The following HGF variants were observed in gnomAD, a reference collection of about 807,000 sequenced individuals.
HGF encodes the protein fibroblast-derived tumor cytotoxic factor.
HGF carries 39 observed loss-of-function variants against 111.6 expected under a neutral mutation model. That is an observed-to-expected ratio of 0.35 (90% CI 0.27 to 0.46). HGF has a LOEUF of 0.46. Ranked by LOEUF, HGF falls within the 20% of genes least tolerant of loss-of-function variation. HGF has a pLI of 1.00. For missense variants in HGF, 735 were observed against 910.5 expected (o/e 0.81, Z 2.48); for synonymous variants, 285 against 294.8 (o/e 0.97, Z 0.34).
Position 81,710,260 on chromosome 7 carries a change from CAT to C in HGF, c.1445-19_1445-18del. ...TTACGGGATCTGAAACAGGACCAAA[CAT>C]AACATTTTTTAAAATAAGAATTTGA... On this transcript the variant is annotated intron_variant, in intron 12 of 17. Coordinates refer to ENST00000222390, the MANE Select transcript of HGF (RefSeq NM_000601.6). The C allele has an allele frequency of 6.4e-7, 1 of 1,555,942 alleles. No homozygotes were observed. The highest frequency in any genetic ancestry group is 8.9e-7 in the Non-Finnish European group (1 of 1,127,114).
At chr7:81,739,389 T>C (rs1451684733) in intron 7 of HGF, among the ~76,000 whole-genome samples, 1 of 152,176 alleles carries the variant, frequency 6.6e-6, no homozygotes, top group Non-Finnish European at 1.5e-5. Context: ...TTTTAAGATG[T>C]CTTGTGACCT....
intron 4 of HGF, among the ~76,000 whole-genome samples, chr7:81,754,173 C>G (rs1788644618): frequency 6.6e-6 from 1 of 151,930 alleles, no homozygotes; most frequent in African/African-American, 2.4e-5. Flanking sequence ...AGTATACAAC[C>G]TTAGTCCTTA....
intron 2 of HGF, among the ~76,000 whole-genome samples, chr7:81,760,454 C>T (rs1452484676): frequency 6.6e-6 from 1 of 152,166 alleles, no homozygotes; most frequent in Non-Finnish European, 1.5e-5. Context: ...TTCCACCTCA[C>T]ACTCATTCAC....
rs902634318 is a variant in HGF at position 81,723,849 on chromosome 7, T to G, written c.1168+2041A>C. Among the ~76,000 whole-genome samples the G allele has an allele frequency of 7.9e-5, 12 of 151,288 alleles. No individual in the cohort carries two copies. The South Asian group carries it at 2.3e-3, about 29-fold the overall frequency. On this transcript the variant is annotated intron_variant, in intron 9 of 17. Coordinates refer to ENST00000222390, the MANE Select transcript of HGF (RefSeq NM_000601.6). Reference sequence around the variant, plus strand: ...AGATATATATACACATATATATATATCTGTGTGTGTAGATTTATATCTATA... The same window carrying G: ...AGATATATATACACATATATATATAGCTGTGTGTGTAGATTTATATCTATA...
intron 1 of HGF, among the ~76,000 whole-genome samples, chr7:81,766,129 G>T (rs73148754): frequency 6.6e-6 from 1 of 152,140 alleles, no homozygotes; most frequent in African/African-American, 2.4e-5. Context: ...AGGGTCAAAT[G>T]TATCAAGGTG....
chr7:81,717,368 G>T lies in HGF; in HGVS notation c.1272-3C>A, dbSNP rs781742028. The T allele has an allele frequency of 6.2e-7, 1 of 1,612,970 alleles. No individual in the cohort carries two copies. The highest frequency in any genetic ancestry group is 8.5e-7 in the Non-Finnish European group (1 of 1,179,072). The stretch of plus-strand genomic sequence containing the variant: ...CATCTGGTTCCCAGAAGATATGACT[G>T]TGGAAACAACAGGCCTTGCACATCA... On this transcript the variant is annotated splice_region_variant and splice_polypyrimidine_tract_variant and intron_variant, in intron 10 of 17. Transcript: ENST00000222390.
intron 3 of HGF, 120 bp downstream of exon 3, chr7:81,758,572 A>G: frequency 2.9e-6 from 2 of 685,304 alleles, no homozygotes; most frequent in South Asian, 1.6e-5. Flanking sequence ...AATTGACTAC[A>G]TAAAATATCT....
intron 1 of HGF, among the ~76,000 whole-genome samples, chr7:81,766,901 C>T (rs1156440312): frequency 1.3e-5 from 2 of 152,210 alleles, no homozygotes; most frequent in Non-Finnish European, 2.9e-5. Context: ...TGAGCATGAC[C>T]TTCAATCCTA....
At chr7:81,714,148 G>T (rs17426564) in intron 11 of HGF, among the ~76,000 whole-genome samples, 3 of 151,890 alleles carry the variant, frequency 2.0e-5, no homozygotes, top group Non-Finnish European at 4.4e-5. Flanking sequence ...TCTCCATGAA[G>T]AAATCGATGT....
chr7:81,725,839 G>A, intron 9 of HGF, 51 bp downstream of exon 9: 1 of 1,596,582 alleles, frequency 6.3e-7, no homozygotes, highest in Non-Finnish European at 8.6e-7. Context: ...CTCCCTTTAG[G>A]CATTTCCCCT....
chr7:81,758,067 T>C (rs1443580112), intron 3 of HGF, among the ~76,000 whole-genome samples: 1 of 152,122 alleles, frequency 6.6e-6, no homozygotes, highest in Non-Finnish European at 1.5e-5. Context: ...TAATAGGACA[T>C]GGTTGTTTAA....
At chr7:81,767,951 T>C (rs1270034810) in intron 1 of HGF, among the ~76,000 whole-genome samples, 3 of 152,144 alleles carry the variant, frequency 2.0e-5, no homozygotes, top group Non-Finnish European at 4.4e-5. Flanking sequence ...AAACTGGCCA[T>C]CTAAACAAAG....
At chr7:81,727,107 A>C (rs1226382340) in intron 8 of HGF, among the ~76,000 whole-genome samples, 11 of 149,920 alleles carry the variant, frequency 7.3e-5, no homozygotes, top group South Asian at 2.1e-4. Flanking sequence ...GTGGCGTGAT[A>C]TCGGCTCACT....
At chr7:81,735,878 T>C (rs1787808901) in intron 7 of HGF, among the ~76,000 whole-genome samples, 2 of 152,088 alleles carry the variant, frequency 1.3e-5, no homozygotes, top group Admixed American at 1.3e-4. Context: ...CCTTACATGG[T>C]AGAAAAACAG....
intron 11 of HGF, among the ~76,000 whole-genome samples, chr7:81,716,844 T>C (rs1236330239): frequency 6.6e-6 from 1 of 152,030 alleles, no homozygotes; most frequent in East Asian, 1.9e-4. Context: ...GGCTTTTTAG[T>C]GGGCTGGGAA....
At chr7:81,708,291 A>T (rs1185894051) in intron 13 of HGF, among the ~76,000 whole-genome samples, 1 of 152,076 alleles carries the variant, frequency 6.6e-6, no homozygotes, top group Non-Finnish European at 1.5e-5. Flanking sequence ...CTTGGATTTA[A>T]AAAGGAAAAA....
chr7:81,741,720 C>T (rs184122252), intron 7 of HGF, among the ~76,000 whole-genome samples: 3 of 151,776 alleles, frequency 2.0e-5, no homozygotes, highest in African/African-American at 7.3e-5. Flanking sequence ...AGGCAGATCA[C>T]CTGAGGTCGG....
intron 7 of HGF, among the ~76,000 whole-genome samples, chr7:81,737,070 G>A (rs1440321005): frequency 6.6e-6 from 1 of 152,004 alleles, no homozygotes; most frequent in Non-Finnish European, 1.5e-5. Context: ...ATGATGGAGT[G>A]AAATGCTCTT....
At chr7:81,751,863 T>G (rs893528387) in intron 5 of HGF, 9 of 1,310,152 alleles carry the variant, frequency 6.9e-6, no homozygotes, top group Non-Finnish European at 8.8e-6. Context: ...ACCCTCTCTT[T>G]CACTTTCCCC....
Sources: allele counts gnomAD v4.1 joint callset (sites outside exome capture counted in the v4.1 genomes callset), GRCh38; gene constraint gnomAD v4.1.1; transcripts MANE v1.5; gene names NCBI Gene and HGNC (gene_info 2026-07-23, HGNC 2026-07-21).